Variants in NUDT13 observed in about 807,000 individuals in gnomAD.
NUDT13 encodes the protein nudix hydrolase 13.
NUDT13 carries 40 observed loss-of-function variants against 41.7 expected under a neutral mutation model. That is an observed-to-expected ratio of 0.96 (90% CI 0.75 to 1.25). The LOEUF (loss-of-function observed/expected upper bound fraction) is 1.25. Among genes scored for constraint, NUDT13 ranks in the 50% most tolerant of loss-of-function variants. The pLI is 0.00. For synonymous variants in NUDT13, 145 were observed against 155.5 expected, an observed-to-expected ratio of 0.93 and a Z score of 0.50; for missense variants, 390 against 416.1, an observed-to-expected ratio of 0.94 and a Z score of 0.55.
rs747923841 is a variant in NUDT13, at chr10:73,125,163, A to G, written c.511A>G (p.Arg171Gly). ...GCATGATGCTCATCAGTTCTGCAGC[A>G]GAAGTGGGCAGCCCACCAAGAAGAA... is the stretch of plus-strand genomic sequence containing the variant. ...RWHDAHQFCS[R>G]SGQPTKKNVA... The change falls in exon 6 of 9, where the codon AGA becomes GGA. Residue 171 changes from arginine to glycine, a missense_variant. Coordinates refer to ENST00000357321, the MANE Select transcript of NUDT13 (RefSeq NM_015901.6). The G allele has an allele frequency of 1.6e-5, 26 of 1,613,548 alleles. No individual in the cohort carries two copies. Among genetic ancestry groups the G allele is most frequent in the Non-Finnish European group, 2.2e-5 (26 of 1,179,914 alleles).
At position 73,125,425 on chromosome 10, in the gene NUDT13, TC is replaced by T. The variant is rs755522749; in HGVS notation, c.620del (p.Ser207Ter). 8.1e-6 allele frequency: 13 copies of T among 1,613,658 alleles called. No homozygotes were observed. In the East Asian group the frequency reaches 2.7e-4, roughly 33 times the overall value. On this transcript the variant is annotated frameshift_variant, in exon 7 of 9. Transcript: ENST00000357321. LOFTEE classifies it high-confidence loss of function. ...QMAPVAITLV[S>X]DGTRCLLARQ... ...GGCTCCTGTGGCGATCACGCTGGTG[TC>T]AGATGGGACCCGATGCCTGCTTGCC...
chr10:73,114,768 G>T (rs1842464820), intron 2 of NUDT13, among the ~76,000 whole-genome samples: 1 of 151,966 alleles, frequency 6.6e-6, no homozygotes, highest in Admixed American at 6.6e-5. Context: ...ACCTGCCCAT[G>T]GCAGGACTCT....
At chr10:73,119,649 C>A in intron 2 of NUDT13, 1 of 187,416 alleles carries the variant, frequency 5.3e-6, no homozygotes, top group Non-Finnish European at 1.0e-5. Context: ...ATTTATTACC[C>A]TTGAAGTTCA....
Position 73,114,376 on chromosome 10 carries a change from A to G in NUDT13, c.11A>G (p.Tyr4Cys). 1.3e-6 allele frequency: 2 copies of G among 1,556,688 alleles called. No individual in the cohort carries two copies. The highest frequency in any genetic ancestry group is 1.8e-6 in the Non-Finnish European group (2 of 1,142,464). The change falls in exon 2 of 9, where the codon TAT becomes TGT. Residue 4 changes from tyrosine (Y) to cysteine (C), a missense_variant. By Grantham distance (194) the Tyr-to-Cys change is radical. Transcript: ENST00000357321. Reference protein sequence around the residue: MSLYCGIACRRKFF... With the variant: MSLCCGIACRRKFF... Reference sequence around the variant, plus strand: ...TTTAAGGACCTGACAATGTCCCTGTATTGTGGAATAGCTTGCAGGAGAAAA... The same window carrying G: ...TTTAAGGACCTGACAATGTCCCTGTGTTGTGGAATAGCTTGCAGGAGAAAA...
chr10:73,122,373 T>C, intron 4 of NUDT13, 64 bp downstream of exon 4: 2 of 1,467,848 alleles, frequency 1.4e-6, no homozygotes, highest in South Asian at 1.3e-5. Context: ...TTTCACATAA[T>C]GGTAAAATTT....
At chr10:73,113,956 T>C (rs952967300) in intron 1 of NUDT13, among the ~76,000 whole-genome samples, 6 of 152,216 alleles carry the variant, frequency 3.9e-5, no homozygotes, top group Non-Finnish European at 7.3e-5. Flanking sequence ...ATGGATTATT[T>C]AGTTACAGAT....
At chr10:73,111,279 A>G (rs774860200) in intron 1 of NUDT13, among the ~76,000 whole-genome samples, 13 of 151,992 alleles carry the variant, frequency 8.6e-5, no homozygotes, top group Non-Finnish European at 1.8e-4. Flanking sequence ...CGCCCGGCCT[A>G]AAAAAAGGTC....
At chr10:73,122,776 C>T (rs1184388431) in intron 4 of NUDT13, among the ~76,000 whole-genome samples, 2 of 150,628 alleles carry the variant, frequency 1.3e-5, no homozygotes, top group African/African-American at 4.9e-5. Context: ...AGATGGGGGT[C>T]TCCTTATGTT....
chr10:73,123,724 G>C (rs147257258), intron 4 of NUDT13, among the ~76,000 whole-genome samples: 7 of 151,906 alleles, frequency 4.6e-5, no homozygotes, highest in Non-Finnish European at 8.8e-5. Flanking sequence ...GCAATGGTGC[G>C]ATCGGTTCAC....
Position 73,120,921 on chromosome 10 carries a change from G to C in NUDT13, c.223+764G>C, listed in dbSNP as rs1842631810. Among the ~76,000 whole-genome samples, 4 of 147,174 alleles carry C rather than the reference G, an allele frequency of 2.7e-5. No homozygotes were observed. The South Asian group carries it at 8.6e-4, about 32-fold the overall frequency. ...GCACTGCACCCCAGTGTGGGTGACA[G>C]AGCGAGACTCCATCTCAAAAAAAAA... On this transcript the variant is annotated intron_variant, in intron 3 of 8. Transcript: ENST00000357321.
chr10:73,129,005 T>C (rs1246949964), intron 8 of NUDT13, among the ~76,000 whole-genome samples: 2 of 152,152 alleles, frequency 1.3e-5, no homozygotes, highest in East Asian at 1.9e-4. Context: ...TTACCTTTTA[T>C]TGTCAGGAGT....
chr10:73,131,431 C>G lies in NUDT13; in HGVS notation c.*528C>G, dbSNP rs2894215. On this transcript the variant is annotated 3_prime_UTR_variant, in exon 9 of 9. Transcript: ENST00000357321. Reference sequence around the variant, plus strand: ...GGTGCATTCTAGTTACATGAACATGCTAGTTAAATAAAAGTCACAATTAAG... The same window carrying G: ...GGTGCATTCTAGTTACATGAACATGGTAGTTAAATAAAAGTCACAATTAAG... 0.16 allele frequency: 24,471 copies of G among 157,670 alleles called. 3,172 individuals carry two copies. The highest frequency in any genetic ancestry group is 0.34 in the African/African-American group (13,895 of 41,448). The allele number at this position is 157,670 out of a possible 1,614,324, so 9.8% of individuals were successfully genotyped here.
chr10:73,122,092 T>G, intron 3 of NUDT13, 83 bp from the exon 4 acceptor site: 2 of 1,464,108 alleles, frequency 1.4e-6, no homozygotes, highest in Non-Finnish European at 1.8e-6. Context: ...AGTAGATGAT[T>G]TTCTGTGAGT....
intron 8 of NUDT13, 159 bp from the exon 9 acceptor site, chr10:73,130,544 T>A: frequency 1.8e-6 from 1 of 564,150 alleles, no homozygotes; most frequent in Non-Finnish European, 3.2e-6. Context: ...CTCTTTTGCT[T>A]CTGGGCAGTA....
intron 2 of NUDT13, among the ~76,000 whole-genome samples, 165 bp downstream of exon 2, chr10:73,114,613 A>G (rs1842458707): frequency 6.8e-6 from 1 of 147,064 alleles, no homozygotes; most frequent in Admixed American, 6.9e-5. Flanking sequence ...ATATATATTC[A>G]TATATATATA....
At chr10:73,124,700 GTA>G in intron 5 of NUDT13, 1 of 202,660 alleles carries the variant, frequency 4.9e-6, no homozygotes, top group Admixed American at 5.5e-5. Context: ...ACTTGCTAAA[GTA>G]TTTTGATTGT....
chr10:73,125,352 C>T (rs1455760745), intron 6 of NUDT13, 46 bp from the exon 7 acceptor site: 1 of 1,608,530 alleles, frequency 6.2e-7, no homozygotes, highest in East Asian at 2.2e-5. Context: ...AGCTCATTGG[C>T]AGGGCCCAAA....
At position 73,126,669 on chromosome 10, in the gene NUDT13, G is replaced by A; in HGVS notation, c.704-4G>A. ...CTGTCCTGAATTAATCTGAGTGCTT[G>A]TAGGTGAAAGTGTGGAAGAGACCAT... On this transcript the variant is annotated splice_region_variant and splice_polypyrimidine_tract_variant and intron_variant, in intron 7 of 8. Transcript: ENST00000357321. 2 of 1,614,022 alleles carry A rather than the reference G, an allele frequency of 1.2e-6. No homozygotes were observed. The highest frequency in any genetic ancestry group is 1.7e-6 in the Non-Finnish European group (2 of 1,179,950).
At chr10:73,123,014 C>T (rs912789383) in intron 4 of NUDT13, among the ~76,000 whole-genome samples, 3 of 151,732 alleles carry the variant, frequency 2.0e-5, no homozygotes, top group African/African-American at 7.3e-5. Flanking sequence ...GATTCTCCTG[C>T]CTCAGCCTCC....
Sources: allele counts gnomAD v4.1 joint callset (sites outside exome capture counted in the v4.1 genomes callset), GRCh38; gene constraint gnomAD v4.1.1; transcripts MANE v1.5; gene names NCBI Gene and HGNC (gene_info 2026-07-23, HGNC 2026-07-21).